Variants in OR51B5 observed in about 807,000 individuals in gnomAD.
OR51B5 encodes the protein olfactory receptor 51B5.
For synonymous variants in OR51B5, 186 were observed against 144.8 expected (o/e 1.28, Z -2.04); for missense variants, 456 against 374.6 (o/e 1.22, Z -1.79).
At chr11:5,401,902 T>TC (rs1204692540) in intron 1 of OR51B5, among the ~76,000 whole-genome samples, 4 of 142,548 alleles carry the variant, frequency 2.8e-5, no homozygotes, top group Non-Finnish European at 1.5e-5. Context: ...CTTCCTTCCT[T>TC]TTCTTTCTCT....
chr11:5,470,685 C>A (rs1352609643), intron 1 of OR51B5, among the ~76,000 whole-genome samples: 1 of 152,194 alleles, frequency 6.6e-6, no homozygotes, highest in Non-Finnish European at 1.5e-5. Context: ...CATCTATTCA[C>A]GTGGTCATGC....
chr11:5,349,341 C>T (rs1370024931), intron 1 of OR51B5, among the ~76,000 whole-genome samples: 1 of 152,018 alleles, frequency 6.6e-6, no homozygotes, highest in African/African-American at 2.4e-5. Flanking sequence ...AGAAATTCAA[C>T]AATTATTTGT....
chr11:5,441,599 A>G (rs529115492), intron 1 of OR51B5: 1 of 1,013,576 alleles, frequency 9.9e-7, no homozygotes, highest in South Asian at 1.5e-5. Context: ...TGTCTCCAAC[A>G]AAAGGTCATA....
intron 1 of OR51B5, among the ~76,000 whole-genome samples, chr11:5,438,457 A>G (rs946503747): frequency 6.6e-6 from 1 of 152,098 alleles, no homozygotes; most frequent in South Asian, 2.1e-4. Flanking sequence ...GGATCTAAAC[A>G]TCAGACTGGA....
intron 1 of OR51B5, among the ~76,000 whole-genome samples, chr11:5,365,824 T>C (rs924356378): frequency 1.3e-5 from 2 of 152,246 alleles, no homozygotes; most frequent in African/African-American, 4.8e-5. Context: ...AGATGCTTAG[T>C]ATGTGCTGGC....
chr11:5,389,049 G>A (rs1212442887), intron 1 of OR51B5, among the ~76,000 whole-genome samples: 10 of 152,272 alleles, frequency 6.6e-5, no homozygotes, highest in African/African-American at 2.4e-5. Context: ...TCAATATATG[G>A]ATGGTAAATG....
At chr11:5,469,085 T>A (rs933791833) in intron 1 of OR51B5, 1 of 240,896 alleles carries the variant, frequency 4.2e-6, no homozygotes, top group African/African-American at 2.3e-5. Flanking sequence ...GATGCCAAAC[T>A]CTGTCCAGGA....
chr11:5,385,370 G>C (rs1849671565), intron 1 of OR51B5: 1 of 152,172 alleles, frequency 6.6e-6, no homozygotes, highest in Non-Finnish European at 1.5e-5. Flanking sequence ...GTTTCTACCA[G>C]ATCCTTCTCC....
At chr11:5,471,267 C>T (rs773650171) in intron 1 of OR51B5, among the ~76,000 whole-genome samples, 24 of 152,128 alleles carry the variant, frequency 1.6e-4, no homozygotes, top group Non-Finnish European at 3.1e-4. Context: ...ATTCTCAATG[C>T]TTAGGCAAGT....
intron 1 of OR51B5, among the ~76,000 whole-genome samples, chr11:5,484,382 G>C (rs1851470690): frequency 6.6e-6 from 1 of 152,156 alleles, no homozygotes; most frequent in Non-Finnish European, 1.5e-5. Context: ...TAATCACAGA[G>C]TAGCAGTTAC....
intron 1 of OR51B5, among the ~76,000 whole-genome samples, chr11:5,354,210 T>A (rs1234079149): frequency 6.6e-6 from 1 of 152,234 alleles, no homozygotes; most frequent in South Asian, 2.1e-4. Context: ...GGGCAATGTA[T>A]ACTTAATCCT....
At chr11:5,353,469 TATGTGGAGA>T (rs142751494) in intron 1 of OR51B5, among the ~76,000 whole-genome samples, 29,394 of 151,710 alleles carry the variant, frequency 0.19, 2,993 homozygotes, top group Non-Finnish European at 0.21. Context: ...CAGTTGGTCA[TATGTGGAGA>T]GTGGGGAGGA....
chr11:5,377,212 C>A (rs1418855236), intron 1 of OR51B5, among the ~76,000 whole-genome samples: 1 of 152,112 alleles, frequency 6.6e-6, no homozygotes, highest in Admixed American at 6.6e-5. Flanking sequence ...ACAAAAACCA[C>A]ATGATTATCT....
chr11:5,365,842 C>T (rs7113817), intron 1 of OR51B5, among the ~76,000 whole-genome samples: 34,691 of 152,130 alleles, frequency 0.23, 4,233 homozygotes, highest in Non-Finnish European at 0.26. Flanking sequence ...GGCTTGATGA[C>T]AGGATGAAGT....
intron 1 of OR51B5, among the ~76,000 whole-genome samples, chr11:5,426,054 CT>C (rs1459880397): frequency 6.6e-6 from 1 of 152,176 alleles, no homozygotes; most frequent in Non-Finnish European, 1.5e-5. Flanking sequence ...AACTATCAAG[CT>C]GCACGAAGAT....
intron 1 of OR51B5, among the ~76,000 whole-genome samples, chr11:5,388,733 G>A (rs1849742031): frequency 6.6e-6 from 1 of 151,788 alleles, no homozygotes; most frequent in Admixed American, 6.6e-5. Flanking sequence ...TTGCTATATA[G>A]TAGTCAACTG....
At chr11:5,489,218 A>G (rs1191656588) in intron 1 of OR51B5, 2 of 1,613,716 alleles carry the variant, frequency 1.2e-6, no homozygotes, top group African/African-American at 2.7e-5. Flanking sequence ...CGACTCCCCT[A>G]CTGTGGTCAC....
chr11:5,486,958 T>G (rs1316913388), intron 1 of OR51B5, among the ~76,000 whole-genome samples: 1 of 152,158 alleles, frequency 6.6e-6, no homozygotes, highest in Non-Finnish European at 1.5e-5. Context: ...ATTCCACCTC[T>G]TTGGAGCTAA....
At chr11:5,421,010 T>C (rs1200785572) in intron 1 of OR51B5, among the ~76,000 whole-genome samples, 1 of 152,212 alleles carries the variant, frequency 6.6e-6, no homozygotes, top group Non-Finnish European at 1.5e-5. Flanking sequence ...AGGAAGTCTT[T>C]TAGAACTAAT....
Sources: allele counts gnomAD v4.1 joint callset (sites outside exome capture counted in the v4.1 genomes callset), GRCh38; gene constraint gnomAD v4.1.1; transcripts MANE v1.5; gene names NCBI Gene and HGNC (gene_info 2026-07-23, HGNC 2026-07-21).